The following CNTNAP5 variants were observed in gnomAD, a reference collection of about 807,000 sequenced individuals.
CNTNAP5 encodes contactin associated protein family member 5, also known as contactin-associated protein-like 5.
A neutral mutation model predicts 150.2 loss-of-function variants in CNTNAP5; 72 were observed. The observed-to-expected ratio is 0.48, with a 90% CI of 0.40 to 0.58. CNTNAP5 has a LOEUF of 0.58. Among genes scored for constraint, CNTNAP5 ranks in the 20% least tolerant of loss-of-function variants. The pLI is 0.00. For missense variants in CNTNAP5, 1,636 were observed against 1,626.2 expected (o/e 1.01, Z -0.10); for synonymous variants, 672 against 619.8 (o/e 1.08, Z -1.25).
intron 3 of CNTNAP5, among the ~76,000 whole-genome samples, chr2:124,328,675 G>GT (rs1053798492): frequency 2.0e-5 from 3 of 152,242 alleles, no homozygotes; most frequent in South Asian, 2.1e-4. Flanking sequence ...GGGAGAATAA[G>GT]TTTTTTTCTG....
chr2:124,749,733 G>A (rs564395170), intron 14 of CNTNAP5, among the ~76,000 whole-genome samples: 1 of 152,218 alleles, frequency 6.6e-6, no homozygotes, highest in Non-Finnish European at 1.5e-5. Context: ...TCCTTTCTTA[G>A]CTGCCTTCTT....
chr2:124,155,262 C>T (rs1684499094), intron 1 of CNTNAP5, among the ~76,000 whole-genome samples: 1 of 151,982 alleles, frequency 6.6e-6, no homozygotes, highest in Admixed American at 6.5e-5. Flanking sequence ...CAATAATGCC[C>T]TAACTTGACC....
At chr2:124,083,530 C>G (rs1682609209) in intron 1 of CNTNAP5, among the ~76,000 whole-genome samples, 1 of 151,860 alleles carries the variant, frequency 6.6e-6, no homozygotes, top group Non-Finnish European at 1.5e-5. Context: ...ATAGTTTTTA[C>G]TGTTTTTTTC....
Position 124,025,403 on chromosome 2 carries a change from C to G in CNTNAP5, c.-248C>G. ...AGGAGGGGGGAAGAGAAGGAAGAGGCGGGCGAGGAAGGCGAGTCCAGCTAG... is the reference window on the plus strand; with the variant it reads ...AGGAGGGGGGAAGAGAAGGAAGAGGGGGGCGAGGAAGGCGAGTCCAGCTAG... On this transcript the variant is annotated 5_prime_UTR_variant, in exon 1 of 24. Coordinates refer to ENST00000682447, the MANE Select transcript of CNTNAP5 (RefSeq NM_001367498.1). 1 of 551,876 alleles carries G rather than the reference C, an allele frequency of 1.8e-6. No homozygotes were observed. The highest frequency in any genetic ancestry group is 3.1e-5 in the Admixed American group (1 of 32,566). The allele number at this position is 551,876 out of a possible 1,614,324, so 34.2% of individuals were successfully genotyped here.
At chr2:124,343,222 G>A (rs1010181984) in intron 3 of CNTNAP5, among the ~76,000 whole-genome samples, 4 of 152,290 alleles carry the variant, frequency 2.6e-5, no homozygotes, top group Non-Finnish European at 4.4e-5. Flanking sequence ...TGTAATAACC[G>A]AAGGTTATAA....
At chr2:124,850,449 C>A (rs896475735) in intron 19 of CNTNAP5, among the ~76,000 whole-genome samples, 1 of 152,020 alleles carries the variant, frequency 6.6e-6, no homozygotes, top group African/African-American at 2.4e-5. Flanking sequence ...CAATGCACAC[C>A]AAAGAACAAT....
chr2:124,539,778 A>T (rs988383474), intron 10 of CNTNAP5, among the ~76,000 whole-genome samples: 1 of 152,228 alleles, frequency 6.6e-6, no homozygotes, highest in Non-Finnish European at 1.5e-5. Flanking sequence ...ACATAGGCAG[A>T]AAACGATGAC....
At chr2:124,707,129 GA>G in intron 13 of CNTNAP5, among the ~76,000 whole-genome samples, 1 of 100,820 alleles carries the variant, frequency 9.9e-6, no homozygotes, top group East Asian at 2.8e-4. Flanking sequence ...GAAGAAAGAA[GA>G]AGAAGAAGAG....
chr2:124,429,701 G>A (rs1692322975), intron 4 of CNTNAP5, among the ~76,000 whole-genome samples: 3 of 152,220 alleles, frequency 2.0e-5, no homozygotes, highest in South Asian at 4.2e-4. Context: ...CTTACTAAAG[G>A]CCGTGCATCC....
At chr2:124,218,851 C>T (rs1437280225) in intron 1 of CNTNAP5, among the ~76,000 whole-genome samples, 1 of 152,134 alleles carries the variant, frequency 6.6e-6, no homozygotes, top group Admixed American at 6.6e-5. Context: ...TAGTGAAAGT[C>T]TCCTAAATTT....
chr2:124,244,012 G>T (rs772127044), intron 3 of CNTNAP5, among the ~76,000 whole-genome samples: 5 of 152,008 alleles, frequency 3.3e-5, no homozygotes, highest in Non-Finnish European at 5.9e-5. Flanking sequence ...GGGATTTTTT[G>T]TTTTCTCTGG....
chr2:124,240,572 A>C (rs983932159), intron 2 of CNTNAP5, among the ~76,000 whole-genome samples: 11 of 152,300 alleles, frequency 7.2e-5, no homozygotes, highest in Non-Finnish European at 1.3e-4. Context: ...ATTCATAAAA[A>C]ACACTTAAAA....
chr2:124,577,487 T>C (rs1382094536), intron 11 of CNTNAP5, among the ~76,000 whole-genome samples: 1 of 152,130 alleles, frequency 6.6e-6, no homozygotes, highest in Non-Finnish European at 1.5e-5. Context: ...GCAACACACA[T>C]TTGTATCAGG....
At chr2:124,097,989 C>T (rs1682977849) in intron 1 of CNTNAP5, among the ~76,000 whole-genome samples, 1 of 152,156 alleles carries the variant, frequency 6.6e-6, no homozygotes, top group African/African-American at 2.4e-5. Flanking sequence ...GATGGCGCCA[C>T]TGCACTCCAG....
intron 1 of CNTNAP5, among the ~76,000 whole-genome samples, chr2:124,058,103 A>G (rs1384497327): frequency 6.6e-6 from 1 of 152,154 alleles, no homozygotes; most frequent in Non-Finnish European, 1.5e-5. Flanking sequence ...CTGAAACTAC[A>G]TGGAAGTGAA....
intron 14 of CNTNAP5, among the ~76,000 whole-genome samples, chr2:124,753,936 T>A (rs1680782982): frequency 1.3e-5 from 2 of 152,206 alleles, no homozygotes; most frequent in Non-Finnish European, 2.9e-5. Flanking sequence ...CAAAATAAGC[T>A]TTTGTTTTGG....
chr2:124,347,586 C>A (rs544975886), intron 3 of CNTNAP5, among the ~76,000 whole-genome samples: 1 of 152,094 alleles, frequency 6.6e-6, no homozygotes, highest in Non-Finnish European at 1.5e-5. Context: ...TTCCAGGGTG[C>A]GCTCCTATGA....
At chr2:124,743,165 A>G (rs1558758492) in intron 13 of CNTNAP5, among the ~76,000 whole-genome samples, 1 of 152,164 alleles carries the variant, frequency 6.6e-6, no homozygotes, top group African/African-American at 2.4e-5. Flanking sequence ...ACCAGATTTC[A>G]TAGAGTTCTT....
chr2:124,359,600 T>C (rs1166574364), intron 3 of CNTNAP5, among the ~76,000 whole-genome samples: 1 of 136,838 alleles, frequency 7.3e-6, no homozygotes, highest in Non-Finnish European at 1.6e-5. Context: ...TCAGTTTCCA[T>C]GTAGTTGAGC....
Sources: allele counts gnomAD v4.1 joint callset (sites outside exome capture counted in the v4.1 genomes callset), GRCh38; gene constraint gnomAD v4.1.1; transcripts MANE v1.5; gene names NCBI Gene and HGNC (gene_info 2026-07-23, HGNC 2026-07-21).